Variants in CNTN4 observed in about 807,000 individuals in gnomAD.
CNTN4 encodes contactin 4.
Under a neutral mutation model 122.5 loss-of-function variants are expected in CNTN4, and 77 were observed. That is an observed-to-expected ratio of 0.63 (90% confidence interval 0.52 to 0.76). CNTN4 has a LOEUF of 0.76. CNTN4 is among the 30% of genes least tolerant of loss of function. CNTN4 has a pLI of 0.00. For missense variants in CNTN4, 1,256 were observed against 1,259.1 expected (o/e 1.00, Z 0.04); for synonymous variants, 512 against 447.0 (o/e 1.15, Z -1.83).
At chr3:2,424,204 A>C (rs1213343551) in intron 3 of CNTN4, among the ~76,000 whole-genome samples, 1 of 123,858 alleles carries the variant, frequency 8.1e-6, no homozygotes, top group Non-Finnish European at 1.7e-5. Flanking sequence ...TCCTAATGCT[A>C]TCCCTCCCCC....
At chr3:2,653,430 A>G (rs926796648) in intron 4 of CNTN4, among the ~76,000 whole-genome samples, 2 of 152,198 alleles carry the variant, frequency 1.3e-5, no homozygotes, top group African/African-American at 4.8e-5. Flanking sequence ...ATAGAGAAAT[A>G]CCTTAAGAGA....
chr3:2,148,733 G>A lies in CNTN4; in HGVS notation c.-145+48094G>A, dbSNP rs143740831. Among the ~76,000 whole-genome samples the A allele has an allele frequency of 4.2e-3, 632 of 152,104 alleles. 3 individuals are homozygous for A. The highest frequency in any genetic ancestry group is 6.7e-3 in the Non-Finnish European group (453 of 67,998). ...TAAATGAGTCGGTGAATGTTAATGC[G>A]TCCCTCCTTCCATGTAACTAGATGC... On this transcript the variant is annotated intron_variant, in intron 2 of 24. Coordinates refer to ENST00000418658, the MANE Select transcript of CNTN4 (RefSeq NM_175607.3).
At chr3:2,441,470 A>T (rs1362093912) in intron 3 of CNTN4, among the ~76,000 whole-genome samples, 1 of 152,214 alleles carries the variant, frequency 6.6e-6, no homozygotes, top group Non-Finnish European at 1.5e-5. Context: ...TTCATGGAGA[A>T]ATATTCTAAC....
intron 3 of CNTN4, among the ~76,000 whole-genome samples, chr3:2,343,554 G>T (rs147437143): frequency 6.6e-6 from 1 of 152,122 alleles, no homozygotes; most frequent in Admixed American, 6.5e-5. Context: ...CCTCTAGAGG[G>T]TAAACCCCAG....
intron 14 of CNTN4, among the ~76,000 whole-genome samples, chr3:3,012,604 C>T (rs532955995): frequency 1.7e-4 from 26 of 152,068 alleles, no homozygotes; most frequent in African/African-American, 6.3e-4. Flanking sequence ...TGCACACCAC[C>T]ACACCCAGCT....
chr3:3,021,323 C>T (rs1251772258), intron 14 of CNTN4, among the ~76,000 whole-genome samples: 1 of 152,096 alleles, frequency 6.6e-6, no homozygotes, highest in Non-Finnish European at 1.5e-5. Flanking sequence ...TGAAATTCAT[C>T]CGTAGAGATG....
intron 3 of CNTN4, among the ~76,000 whole-genome samples, chr3:2,494,651 GC>G (rs1365744280): frequency 6.6e-6 from 1 of 152,190 alleles, no homozygotes; most frequent in Non-Finnish European, 1.5e-5. Context: ...ACAGAATGTA[GC>G]TTTTCCCCAC....
At chr3:2,858,058 G>A (rs901736341) in intron 7 of CNTN4, among the ~76,000 whole-genome samples, 1 of 152,178 alleles carries the variant, frequency 6.6e-6, no homozygotes, top group South Asian at 2.1e-4. Context: ...GGGAATGGTA[G>A]AGGCTATGGC....
intron 2 of CNTN4, among the ~76,000 whole-genome samples, chr3:2,242,327 A>G (rs939270120): frequency 6.6e-5 from 10 of 152,132 alleles, no homozygotes; most frequent in Non-Finnish European, 1.2e-4. Flanking sequence ...TTTGGTCCAC[A>G]TATCATAACA....
chr3:2,288,333 A>G (rs1404430697), intron 2 of CNTN4, among the ~76,000 whole-genome samples: 1 of 152,176 alleles, frequency 6.6e-6, no homozygotes, highest in African/African-American at 2.4e-5. Flanking sequence ...CAGTGTGTAC[A>G]GAGATCACAG....
At chr3:2,806,315 G>T (rs1673190891) in intron 6 of CNTN4, among the ~76,000 whole-genome samples, 1 of 152,148 alleles carries the variant, frequency 6.6e-6, no homozygotes, top group African/African-American at 2.4e-5. Context: ...ATCATATCTG[G>T]ATTGTAAACG....
At chr3:2,758,246 T>C (rs540573977) in intron 6 of CNTN4, among the ~76,000 whole-genome samples, 32 of 152,338 alleles carry the variant, frequency 2.1e-4, no homozygotes, top group African/African-American at 7.0e-4. Flanking sequence ...TGTTAAGTGA[T>C]AATGAATGTT....
At chr3:2,629,471 A>G (rs985587420) in intron 4 of CNTN4, 2 of 391,858 alleles carry the variant, frequency 5.1e-6, no homozygotes, top group African/African-American at 4.3e-5. Context: ...TTGGTTTCTG[A>G]ATTTGATTTT....
intron 4 of CNTN4, among the ~76,000 whole-genome samples, chr3:2,644,141 C>T (rs116634473): frequency 0.015 from 2,228 of 152,226 alleles, 21 homozygotes; most frequent in Admixed American, 0.026. Context: ...AGTGTGTGTT[C>T]TTCCTTAAAT....
chr3:2,399,168 A>G (rs1260524482), intron 3 of CNTN4, among the ~76,000 whole-genome samples: 1 of 152,072 alleles, frequency 6.6e-6, no homozygotes, highest in Non-Finnish European at 1.5e-5. Context: ...CCCACCCAAT[A>G]TCTGTGTCAG....
At chr3:2,878,592 T>TG in intron 8 of CNTN4, among the ~76,000 whole-genome samples, 8 of 151,034 alleles carry the variant, frequency 5.3e-5, no homozygotes, top group Admixed American at 2.0e-4. Context: ...TGTGTGTGTC[T>TG]TTCTGTCTGT....
chr3:2,403,112 C>A (rs2046915807), intron 3 of CNTN4, among the ~76,000 whole-genome samples: 1 of 152,046 alleles, frequency 6.6e-6, no homozygotes, highest in Non-Finnish European at 1.5e-5. Flanking sequence ...CCTTCTTTGT[C>A]TTGTATCACG....
intron 13 of CNTN4, among the ~76,000 whole-genome samples, chr3:2,929,576 A>G (rs1445273976): frequency 6.6e-6 from 1 of 152,212 alleles, no homozygotes; most frequent in Non-Finnish European, 1.5e-5. Flanking sequence ...AACTGCAGGT[A>G]TGACAGGGCT....
At chr3:2,867,218 T>C (rs1053371506) in intron 8 of CNTN4, among the ~76,000 whole-genome samples, 10 of 152,204 alleles carry the variant, frequency 6.6e-5, no homozygotes, top group Non-Finnish European at 1.3e-4. Flanking sequence ...AAGGAAGGTA[T>C]TTCTTGTTTC....
Sources: allele counts gnomAD v4.1 joint callset (sites outside exome capture counted in the v4.1 genomes callset), GRCh38; gene constraint gnomAD v4.1.1; transcripts MANE v1.5; gene names NCBI Gene and HGNC (gene_info 2026-07-23, HGNC 2026-07-21).